Variants in PCBP3 observed in about 807,000 individuals in gnomAD.
PCBP3 encodes the protein poly(rC) binding protein 3, also known as poly(rC)-binding protein 3.
In PCBP3, 25 loss-of-function variants were observed where a neutral mutation model predicts 52.7. The ratio of observed to expected loss-of-function variants is 0.47; its 90% CI spans 0.35 to 0.66. The LOEUF (loss-of-function observed/expected upper bound fraction) is 0.66. PCBP3 is among the 30% of genes least tolerant of loss of function. PCBP3 has a pLI of 0.01. For synonymous variants in PCBP3, 162 were observed against 183.0 expected, an observed-to-expected ratio of 0.89 and a Z score of 0.93; for missense variants, 391 against 490.3, an observed-to-expected ratio of 0.80 and a Z score of 1.91.
chr21:45,694,913 C>A (rs149130483), intron 2 of PCBP3, among the ~76,000 whole-genome samples: 2 of 152,100 alleles, frequency 1.3e-5, no homozygotes, highest in African/African-American at 2.4e-5. Flanking sequence ...ACACCACGAT[C>A]GAAATTTCAG....
At chr21:45,664,237 A>G (rs1160718253) in intron 1 of PCBP3, among the ~76,000 whole-genome samples, 5 of 79,482 alleles carry the variant, frequency 6.3e-5, no homozygotes, top group Admixed American at 4.9e-4. Flanking sequence ...AAGAATAATA[A>G]TAATATAAAT....
Position 45,825,885 on chromosome 21 carries a change from C to G in PCBP3, c.-125-24076C>G, listed in dbSNP as rs8131878. ...GTGACATGGAAATAAATCCAAATGA[C>G]TTTTTCCTTATTTTAACTATTAGTA... On this transcript the variant is annotated intron_variant, in intron 4 of 17. Transcript: ENST00000681687. Among the ~76,000 whole-genome samples the G allele has an allele frequency of 2.3e-3, 354 of 152,262 alleles. 6 individuals are homozygous for G. Among genetic ancestry groups the G allele is most frequent in the African/African-American group, 7.9e-3 (329 of 41,540 alleles).
At chr21:45,795,069 G>C (rs1044080800) in intron 4 of PCBP3, among the ~76,000 whole-genome samples, 1 of 152,146 alleles carries the variant, frequency 6.6e-6, no homozygotes, top group Non-Finnish European at 1.5e-5. Context: ...GATACTTCAC[G>C]TTTATAATCC....
rs1040175634 is a variant in PCBP3, at chr21:45,789,394, G to T, written c.-126+33942G>T. Among the ~76,000 whole-genome samples the T allele has an allele frequency of 3.9e-5, 6 of 152,348 alleles. No homozygotes were observed. In the South Asian group the frequency reaches 1.2e-3, roughly 32 times the overall value. Reference sequence around the variant, plus strand: ...TGTGTGCCTATGAGTGCACGAGTGTGTGCATGTGTTTGTGATCGTGTCTTT... The same window carrying T: ...TGTGTGCCTATGAGTGCACGAGTGTTTGCATGTGTTTGTGATCGTGTCTTT... On this transcript the variant is annotated intron_variant, in intron 4 of 17. Transcript: ENST00000681687.
chr21:45,702,519 T>A (rs1332812529), intron 2 of PCBP3, among the ~76,000 whole-genome samples: 1 of 152,234 alleles, frequency 6.6e-6, no homozygotes, highest in East Asian at 1.9e-4. Context: ...ATGTTTACAC[T>A]CTAGTCTATT....
chr21:45,732,359 CCTGTAGTGA>C (rs2085518411), intron 2 of PCBP3, among the ~76,000 whole-genome samples: 2 of 151,924 alleles, frequency 1.3e-5, no homozygotes, highest in Non-Finnish European at 2.9e-5. Context: ...TAAAAAGGTT[CCTGTAGTGA>C]AGCAAATTAA....
At chr21:45,888,939 C>G (rs1031832803) in intron 5 of PCBP3, among the ~76,000 whole-genome samples, 4 of 152,248 alleles carry the variant, frequency 2.6e-5, no homozygotes, top group African/African-American at 9.6e-5. Flanking sequence ...ATTAAACACA[C>G]GTGGACAGTA....
intron 17 of PCBP3, among the ~76,000 whole-genome samples, chr21:45,940,601 G>A (rs2077348184): frequency 1.3e-5 from 2 of 152,170 alleles, no homozygotes; most frequent in South Asian, 4.1e-4. Flanking sequence ...GAAACGTGTA[G>A]GGACGGGCAG....
intron 4 of PCBP3, among the ~76,000 whole-genome samples, chr21:45,768,325 C>T (rs2089550255): frequency 1.3e-5 from 2 of 152,224 alleles, no homozygotes; most frequent in South Asian, 4.1e-4. Flanking sequence ...CTGCGAGACT[C>T]TCACGTCTGT....
At chr21:45,676,306 G>C (rs2081455932) in intron 2 of PCBP3, among the ~76,000 whole-genome samples, 2 of 152,088 alleles carry the variant, frequency 1.3e-5, no homozygotes, top group African/African-American at 4.8e-5. Flanking sequence ...ACTTGTATCT[G>C]TCATGGTGAG....
rs2075773990 is a variant in PCBP3 at position 45,928,505 on chromosome 21, C to T, written c.718-1412C>T. On this transcript the variant is annotated intron_variant, in intron 13 of 17. Coordinates refer to ENST00000681687, the MANE Select transcript of PCBP3 (RefSeq NM_001384156.1). This position sits in a 1 kb window ranked among gnomAD's most constrained non-coding sequence, Gnocchi z 4.1. ...CAGCTCCTGAGAGGCCAAGTTCAAA[C>T]CCACCCAGGAGCACACAGCTGGGAA... 6.6e-6 allele frequency among the ~76,000 whole-genome samples: 1 copy of T among 152,192 alleles called. No homozygotes were observed. The highest frequency in any genetic ancestry group is 2.4e-5 in the African/African-American group (1 of 41,450).
chr21:45,905,596 G>GGAA (rs984252082), intron 9 of PCBP3, among the ~76,000 whole-genome samples: 14 of 152,330 alleles, frequency 9.2e-5, no homozygotes, highest in African/African-American at 3.4e-4. Flanking sequence ...CCAGGAGGCT[G>GGAA]GAAGTCTCAG....
Position 45,909,354 on chromosome 21 carries a change from G to C in PCBP3, c.340-1G>C. 1 of 1,611,886 alleles carries C rather than the reference G, an allele frequency of 6.2e-7. No homozygotes were observed. Among genetic ancestry groups the C allele is most frequent in the Non-Finnish European group, 8.5e-7 (1 of 1,179,330 alleles). ...TGCCAACACACGTGTCTCTCCCCTA[G>C]GATATCATCAACTCCATGAGCAACA... On this transcript the variant is annotated splice_acceptor_variant, in intron 9 of 17. Coordinates refer to ENST00000681687, the MANE Select transcript of PCBP3 (RefSeq NM_001384156.1). LOFTEE classifies it high-confidence loss of function.
intron 4 of PCBP3, among the ~76,000 whole-genome samples, chr21:45,810,082 G>C (rs2092636791): frequency 6.6e-6 from 1 of 152,160 alleles, no homozygotes; most frequent in Non-Finnish European, 1.5e-5. Flanking sequence ...TTTGTCAAAT[G>C]CATTTTTCTG....
At chr21:45,940,276 G>A (rs561392731) in intron 17 of PCBP3, 77 bp downstream of exon 17, 64 of 1,321,744 alleles carry the variant, frequency 4.8e-5, no homozygotes, top group African/African-American at 4.1e-4. Flanking sequence ...CTGGACGGTC[G>A]GGGGGTGGGA....
At chr21:45,890,753 A>G (rs1266823914) in intron 5 of PCBP3, among the ~76,000 whole-genome samples, 1 of 151,004 alleles carries the variant, frequency 6.6e-6, no homozygotes, top group East Asian at 2.0e-4. Context: ...TAGAACCTGG[A>G]ACTCTGTGCA....
intron 4 of PCBP3, among the ~76,000 whole-genome samples, chr21:45,785,551 A>C (rs1462951564): frequency 2.2e-4 from 32 of 147,568 alleles, no homozygotes; most frequent in Admixed American, 1.9e-3. Context: ...CCCATCCGGG[A>C]GGTGAGGGGC....
chr21:45,929,138 C>T (rs768383534), intron 13 of PCBP3, among the ~76,000 whole-genome samples: 5 of 152,200 alleles, frequency 3.3e-5, no homozygotes, highest in Admixed American at 6.5e-5. Context: ...GGTAAAATAA[C>T]TTTAAAAATG....
chr21:45,703,631 A>C (rs865917771), intron 2 of PCBP3, among the ~76,000 whole-genome samples: 1 of 152,174 alleles, frequency 6.6e-6, no homozygotes. Flanking sequence ...CAGAGCAATG[A>C]CATGAATAGA....
Sources: gnomAD v4.1 joint callset for allele counts (sites outside exome capture counted in the v4.1 genomes callset) on GRCh38, gnomAD v4.1.1 for gene constraint, Gnocchi (gnomAD v3.1) non-coding constraint, MANE v1.5 for transcripts, NCBI Gene and HGNC (gene_info 2026-07-23, HGNC 2026-07-21) for gene names.